CTBP2: variants seen among roughly 807,000 people sequenced by gnomAD.
CTBP2 encodes the protein C-terminal binding protein 2, also known as C-terminal-binding protein 2.
A neutral mutation model predicts 80.3 loss-of-function variants in CTBP2; 30 were observed. The observed-to-expected ratio is 0.37, with a 90% CI of 0.28 to 0.51. The LOEUF (loss-of-function observed/expected upper bound fraction) is 0.51. Ranked by LOEUF, CTBP2 falls within the 20% of genes least tolerant of loss-of-function variation. The pLI, the probability that CTBP2 is intolerant of heterozygous loss-of-function variation, is 0.93. For synonymous variants in CTBP2, 594 were observed against 587.4 expected (o/e 1.01, Z -0.16); for missense variants, 1,212 against 1,375.3 (o/e 0.88, Z 1.88).
At chr10:125,134,266 A>G (rs967313297) in intron 1 of CTBP2, among the ~76,000 whole-genome samples, 1 of 152,230 alleles carries the variant, frequency 6.6e-6, no homozygotes, top group Non-Finnish European at 1.5e-5. Flanking sequence ...TTAGAGTCTC[A>G]TGCCAGAGTC....
At chr10:125,092,922 G>GC (rs1354984065) in intron 2 of CTBP2, among the ~76,000 whole-genome samples, 1 of 152,102 alleles carries the variant, frequency 6.6e-6, no homozygotes, top group Non-Finnish European at 1.5e-5. Flanking sequence ...AGTGGGGGGG[G>GC]GCAGCACGTG....
chr10:125,138,532 T>C (rs1426469450), intron 1 of CTBP2, among the ~76,000 whole-genome samples: 1 of 151,886 alleles, frequency 6.6e-6, no homozygotes, highest in Admixed American at 6.6e-5. Context: ...AAAAATAAGA[T>C]TAACTAAGAG....
At chr10:125,120,287 G>C (rs1033340493) in intron 1 of CTBP2, among the ~76,000 whole-genome samples, 1 of 152,260 alleles carries the variant, frequency 6.6e-6, no homozygotes, top group African/African-American at 2.4e-5. Flanking sequence ...TGAGCAGGAA[G>C]TGGCATTTAA....
intron 1 of CTBP2, among the ~76,000 whole-genome samples, chr10:125,024,755 A>G (rs1957376198): frequency 1.3e-5 from 2 of 152,260 alleles, no homozygotes; most frequent in Non-Finnish European, 2.9e-5. Flanking sequence ...GGTTGCAAAG[A>G]AAGAATGTTT....
intron 3 of CTBP2, chr10:124,999,207 G>T (rs1400523872): frequency 6.6e-6 from 1 of 152,336 alleles, no homozygotes; most frequent in African/African-American, 2.4e-5. Flanking sequence ...CTGAGGAGGG[G>T]TGTGGCTATC....
chr10:125,033,609 T>A (rs1177340367), intron 3 of CTBP2, among the ~76,000 whole-genome samples: 2 of 152,214 alleles, frequency 1.3e-5, no homozygotes, highest in Non-Finnish European at 1.5e-5. Context: ...TCGTGCGGGC[T>A]GCTGTCTGCT....
At chr10:125,135,372 G>GA (rs1319762573) in intron 1 of CTBP2, among the ~76,000 whole-genome samples, 2 of 152,182 alleles carry the variant, frequency 1.3e-5, no homozygotes, top group Non-Finnish European at 2.9e-5. Context: ...GGAATCCCTT[G>GA]AGACACTGGA....
At chr10:125,021,098 G>A (rs1422358040) in intron 1 of CTBP2, among the ~76,000 whole-genome samples, 1 of 152,282 alleles carries the variant, frequency 6.6e-6, no homozygotes, top group South Asian at 2.1e-4. Context: ...CTGTGAAGGC[G>A]GCAGAGCTGG....
intron 2 of CTBP2, among the ~76,000 whole-genome samples, chr10:125,056,088 C>G (rs1308976668): frequency 6.6e-6 from 1 of 151,996 alleles, no homozygotes; most frequent in Admixed American, 6.6e-5. Context: ...TTGCTTCAGC[C>G]TGACAGGCAG....
intron 1 of CTBP2, among the ~76,000 whole-genome samples, chr10:125,156,184 T>C (rs74163356): frequency 0.088 from 13,372 of 152,304 alleles, 767 homozygotes; most frequent in Middle Eastern, 0.14. Context: ...CCTGCCCAAC[T>C]GATAAATTTC....
intron 2 of CTBP2, among the ~76,000 whole-genome samples, chr10:125,046,741 C>T (rs984163124): frequency 2.6e-5 from 4 of 152,086 alleles, no homozygotes; most frequent in Admixed American, 1.3e-4. Context: ...GGAGTCAGTG[C>T]TAGGAGAGGG....
At chr10:125,145,178 G>A (rs953619468) in intron 1 of CTBP2, among the ~76,000 whole-genome samples, 1 of 152,176 alleles carries the variant, frequency 6.6e-6, no homozygotes, top group South Asian at 2.1e-4. Flanking sequence ...GTGTGTGTTG[G>A]GGGAGTGGTT....
At chr10:125,028,600 T>C (rs1183515927), upstream of CTBP2, among the ~76,000 whole-genome samples, 3 of 152,240 alleles carry the variant, frequency 2.0e-5, no homozygotes, top group East Asian at 5.8e-4. Context: ...CTTTACCTTA[T>C]TACTGTGAAA....
chr10:125,049,359 G>A (rs1297382269), intron 2 of CTBP2, among the ~76,000 whole-genome samples: 2 of 152,226 alleles, frequency 1.3e-5, no homozygotes, highest in African/African-American at 4.8e-5. Context: ...TACAGCACAT[G>A]CTTGGCCTGA....
chr10:125,025,972 G>C, intron 1 of CTBP2: 1 of 1,352,478 alleles, frequency 7.4e-7, no homozygotes, highest in East Asian at 2.3e-5. Flanking sequence ...GTGTGTGTGT[G>C]TGTGGCCTGG....
intron 1 of CTBP2, among the ~76,000 whole-genome samples, chr10:125,121,290 A>C (rs1854281861): frequency 6.6e-6 from 1 of 152,252 alleles, no homozygotes; most frequent in Non-Finnish European, 1.5e-5. Context: ...GGCACGCCAG[A>C]GGCACCCAAG....
At chr10:125,023,077 G>C (rs1214622158) in intron 1 of CTBP2, among the ~76,000 whole-genome samples, 2 of 152,206 alleles carry the variant, frequency 1.3e-5, no homozygotes, top group African/African-American at 4.8e-5. Flanking sequence ...ACAGGTAACT[G>C]TCACAACCAT....
chr10:125,070,351 A>T (rs1845280030), intron 2 of CTBP2, among the ~76,000 whole-genome samples: 1 of 152,114 alleles, frequency 6.6e-6, no homozygotes, highest in African/African-American at 2.4e-5. Flanking sequence ...ACTCTGTCTC[A>T]AACAAACAAA....
intron 1 of CTBP2, among the ~76,000 whole-genome samples, chr10:125,132,369 A>G (rs1856323829): frequency 6.6e-6 from 1 of 152,210 alleles, no homozygotes; most frequent in Non-Finnish European, 1.5e-5. Context: ...CAGAGATGTT[A>G]AAGTGCTGAA....
Sources: allele counts gnomAD v4.1 joint callset (sites outside exome capture counted in the v4.1 genomes callset), GRCh38; gene constraint gnomAD v4.1.1; transcripts MANE v1.5; gene names NCBI Gene and HGNC (gene_info 2026-07-23, HGNC 2026-07-21).